PTPRZ1: variants seen among roughly 807,000 people sequenced by gnomAD.
PTPRZ1 encodes protein tyrosine phosphatase receptor type Z1.
In PTPRZ1, 82 loss-of-function variants were observed where a neutral mutation model predicts 214.1. The observed-to-expected ratio is 0.38, with a 90% CI of 0.32 to 0.46. PTPRZ1 has a LOEUF of 0.46. PTPRZ1 is among the 20% of genes least tolerant of loss of function. The pLI is 1.00. For synonymous variants in PTPRZ1, 945 were observed against 987.9 expected, an observed-to-expected ratio of 0.96 and a Z score of 0.81; for missense variants, 2,603 against 2,748.7, an observed-to-expected ratio of 0.95 and a Z score of 1.19.
chr7:121,891,481 T>A (rs57342009), intron 1 of PTPRZ1, among the ~76,000 whole-genome samples: 2,787 of 126,748 alleles, frequency 0.022, 106 homozygotes, highest in African/African-American at 0.081. Flanking sequence ...TTTTTTTTTT[T>A]AGTTTGATTT....
At chr7:121,908,148 C>T (rs901723712) in intron 1 of PTPRZ1, among the ~76,000 whole-genome samples, 1 of 152,014 alleles carries the variant, frequency 6.6e-6, no homozygotes, top group Non-Finnish European at 1.5e-5. Flanking sequence ...AAGGGTTAAT[C>T]ATTTGTCTGT....
intron 1 of PTPRZ1, among the ~76,000 whole-genome samples, chr7:121,886,114 C>CT (rs1362561308): frequency 1.3e-5 from 2 of 152,012 alleles, no homozygotes; most frequent in Admixed American, 6.6e-5. Context: ...GATTGCGCTA[C>CT]TGGGGAAAAT....
At chr7:121,989,531 C>T (rs1797881594) in intron 8 of PTPRZ1, among the ~76,000 whole-genome samples, 1 of 152,148 alleles carries the variant, frequency 6.6e-6, no homozygotes, top group Non-Finnish European at 1.5e-5. Context: ...TGCGCCACCA[C>T]ACCCAGCTAA....
At chr7:121,936,030 A>G (rs1196953615) in intron 2 of PTPRZ1, among the ~76,000 whole-genome samples, 1 of 152,220 alleles carries the variant, frequency 6.6e-6, no homozygotes, top group African/African-American at 2.4e-5. Context: ...TTACACTTTT[A>G]GGCAAAATGC....
intron 21 of PTPRZ1, 64 bp downstream of exon 21, chr7:122,041,043 T>C (rs1194008455): frequency 1.2e-5 from 16 of 1,344,294 alleles, no homozygotes; most frequent in African/African-American, 2.9e-5. Context: ...AGGAAATCAA[T>C]GGAACAAAGC....
chr7:121,960,536 T>TA (rs1298473318), intron 2 of PTPRZ1, among the ~76,000 whole-genome samples: 3 of 152,198 alleles, frequency 2.0e-5, no homozygotes, highest in Non-Finnish European at 2.9e-5. Context: ...TTTTATTATA[T>TA]ATCTATTAAT....
chr7:121,873,461 A>C lies in PTPRZ1; in HGVS notation c.-39A>C, dbSNP rs1174334254. 1 of 1,609,786 alleles carries C rather than the reference A, an allele frequency of 6.2e-7. No individual in the cohort carries two copies. Among genetic ancestry groups the C allele is most frequent in the African/African-American group, 1.3e-5 (1 of 74,866 alleles). Reference sequence around the variant, plus strand: ...CCCCTCCCTCTCCACTCTGAGAAGCAGAGGAGCCGCACGGCGAGGGGCCGC... The same window carrying C: ...CCCCTCCCTCTCCACTCTGAGAAGCCGAGGAGCCGCACGGCGAGGGGCCGC... On this transcript the variant is annotated 5_prime_UTR_variant, in exon 1 of 30. Transcript: ENST00000393386.
intron 2 of PTPRZ1, among the ~76,000 whole-genome samples, chr7:121,932,796 G>A (rs561678951): frequency 5.9e-5 from 9 of 152,064 alleles, no homozygotes; most frequent in Non-Finnish European, 1.2e-4. Flanking sequence ...GTAAATCCCC[G>A]CTGGCTACCA....
At chr7:122,026,878 T>C (rs2116708250) in intron 13 of PTPRZ1, among the ~76,000 whole-genome samples, 1 of 152,306 alleles carries the variant, frequency 6.6e-6, no homozygotes, top group South Asian at 2.1e-4. Flanking sequence ...TAGAAGTTCA[T>C]TCATCAGAGA....
rs1799470905 is a variant in PTPRZ1 at position 122,034,268 on chromosome 7, A to G, written c.5188-14A>G. On this transcript the variant is annotated splice_polypyrimidine_tract_variant and intron_variant, in intron 16 of 29. Coordinates refer to ENST00000393386, the MANE Select transcript of PTPRZ1 (RefSeq NM_002851.3). Reference sequence around the variant, plus strand: ...GAATGTGTGTTAAAATGATTTACATATAATTTTTTACAGGAAGTGCAGAGC... The same window carrying G: ...GAATGTGTGTTAAAATGATTTACATGTAATTTTTTACAGGAAGTGCAGAGC... 6.2e-7 allele frequency: 1 copy of G among 1,609,082 alleles called. No individual in the cohort carries two copies. Among genetic ancestry groups the G allele is most frequent in the African/African-American group, 1.3e-5 (1 of 74,686 alleles).
chr7:122,002,307 G>A (rs1197277666), intron 10 of PTPRZ1, among the ~76,000 whole-genome samples: 1 of 152,134 alleles, frequency 6.6e-6, no homozygotes, highest in Non-Finnish European at 1.5e-5. Context: ...GGTTTTATAT[G>A]CAGTAATATG....
intron 12 of PTPRZ1, among the ~76,000 whole-genome samples, chr7:122,017,539 A>G (rs1183395352): frequency 1.2e-4 from 2 of 16,006 alleles, no homozygotes; most frequent in Non-Finnish European, 2.2e-4. Context: ...GATACATTAC[A>G]TTTATTTATT....
chr7:122,054,868 A>G, intron 26 of PTPRZ1, 73 bp from the exon 27 acceptor site: 3 of 1,398,296 alleles, frequency 2.1e-6, no homozygotes, highest in Non-Finnish European at 2.9e-6. Flanking sequence ...CAACCAATTA[A>G]CTTTATTTCA....
At chr7:121,909,495 TG>T (rs1431468512) in intron 1 of PTPRZ1, among the ~76,000 whole-genome samples, 2 of 152,146 alleles carry the variant, frequency 1.3e-5, no homozygotes, top group Non-Finnish European at 2.9e-5. Context: ...AATCTAGAAG[TG>T]TTTTACAGAT....
chr7:121,924,787 A>G (rs1795708086), intron 1 of PTPRZ1, among the ~76,000 whole-genome samples: 1 of 152,224 alleles, frequency 6.6e-6, no homozygotes, highest in Non-Finnish European at 1.5e-5. Flanking sequence ...TAAAATATTC[A>G]TATTTAAAAT....
chr7:121,990,565 G>A (rs914413265), intron 8 of PTPRZ1, among the ~76,000 whole-genome samples: 5 of 136,400 alleles, frequency 3.7e-5, no homozygotes, highest in African/African-American at 1.4e-4. Context: ...TGTCACCCAG[G>A]CTTGAGCACA....
At chr7:121,916,825 T>C (rs1373488742) in intron 1 of PTPRZ1, among the ~76,000 whole-genome samples, 1 of 152,148 alleles carries the variant, frequency 6.6e-6, no homozygotes, top group African/African-American at 2.4e-5. Flanking sequence ...CATGTTGTGA[T>C]TGGTGGTTGA....
chr7:121,981,266 A>G (rs1176938152), intron 6 of PTPRZ1, among the ~76,000 whole-genome samples: 3 of 152,218 alleles, frequency 2.0e-5, no homozygotes, highest in Admixed American at 1.3e-4. Flanking sequence ...TTAAAAATCT[A>G]GATGCCCAGG....
intron 1 of PTPRZ1, among the ~76,000 whole-genome samples, chr7:121,912,437 G>A (rs191464454): frequency 2.0e-4 from 30 of 152,270 alleles, no homozygotes; most frequent in Non-Finnish European, 3.5e-4. Flanking sequence ...GTAGAGGATC[G>A]AAGAGTGTAC....
Sources: allele counts gnomAD v4.1 joint callset (sites outside exome capture counted in the v4.1 genomes callset), GRCh38; gene constraint gnomAD v4.1.1; transcripts MANE v1.5; gene names NCBI Gene and HGNC (gene_info 2026-07-23, HGNC 2026-07-21).